Variants in AK8 observed in about 807,000 individuals in gnomAD.
AK8 encodes the protein adenylate kinase 8.
Under a neutral mutation model 54.6 loss-of-function variants are expected in AK8, and 44 were observed. The observed-to-expected ratio is 0.81, with a 90% CI of 0.63 to 1.04. The LOEUF is 1.04. Among genes scored for constraint, AK8 ranks in the 50% least tolerant of loss-of-function variants. The probability of loss-of-function intolerance (pLI) is 0.00; values close to 1 mark genes in which losing one functional copy is unlikely to be tolerated. For missense variants in AK8, 555 were observed against 613.6 expected (o/e 0.90, Z 1.01); for synonymous variants, 239 against 245.6 (o/e 0.97, Z 0.25).
At chr9:132,825,011 A>G (rs1228576570) in intron 8 of AK8, among the ~76,000 whole-genome samples, 1 of 152,214 alleles carries the variant, frequency 6.6e-6, no homozygotes, top group Admixed American at 6.5e-5. Context: ...TGCCATGGGT[A>G]CCATTCCTCC....
rs1843363492 is a variant in AK8 at position 132,860,990 on chromosome 9, G to T, written c.333+2675C>A. ...ACCCAGGGCAGGGGGAGCAGGTGAG[G>T]GTGCAACCCAAGGCTAGACTGCCAT... On this transcript the variant is annotated intron_variant, in intron 4 of 12. Coordinates refer to ENST00000298545, the MANE Select transcript of AK8 (RefSeq NM_152572.3). The surrounding 1 kb of genome is among the most constrained non-coding windows in gnomAD (Gnocchi z 4.4). Among the ~76,000 whole-genome samples, 1 of 152,202 alleles carries T rather than the reference G, an allele frequency of 6.6e-6. No homozygotes were observed. The highest frequency in any genetic ancestry group is 2.4e-5 in the African/African-American group (1 of 41,446).
intron 11 of AK8, among the ~76,000 whole-genome samples, chr9:132,780,849 TC>T (rs1181445911): frequency 6.6e-6 from 1 of 152,144 alleles, no homozygotes; most frequent in Admixed American, 6.5e-5. Flanking sequence ...TCTAGAACCC[TC>T]CTTTTACATC....
At chr9:132,817,178 C>T (rs938505862) in intron 9 of AK8, among the ~76,000 whole-genome samples, 1 of 152,130 alleles carries the variant, frequency 6.6e-6, no homozygotes, top group African/African-American at 2.4e-5. Context: ...TACTCTAGCC[C>T]TAGAGTAAGA....
intron 11 of AK8, among the ~76,000 whole-genome samples, chr9:132,740,910 T>C (rs1266915256): frequency 6.6e-6 from 1 of 152,178 alleles, no homozygotes; most frequent in Non-Finnish European, 1.5e-5. Context: ...CCAGAAGACT[T>C]CTTTGAGGTG....
rs570015023 is a variant in AK8 at position 132,829,416 on chromosome 9, G to A, written c.403-690C>T. Among the ~76,000 whole-genome samples the A allele has an allele frequency of 5.3e-5, 8 of 151,760 alleles. No homozygotes were observed. In the South Asian group the frequency reaches 1.0e-3, roughly 20 times the overall value. ...GTCCACAAATGAACATTTCAACTGC[G>A]GGCAGTGTTCACTATCATAGATAAT... On this transcript the variant is annotated intron_variant, in intron 5 of 12. Transcript: ENST00000298545.
At chr9:132,776,155 T>C (rs1202158635) in intron 11 of AK8, among the ~76,000 whole-genome samples, 1 of 152,204 alleles carries the variant, frequency 6.6e-6, no homozygotes, top group East Asian at 1.9e-4. Context: ...ACTTTCCTTT[T>C]TCCACTCCAG....
chr9:132,869,867 G>A (rs577070181), intron 2 of AK8, among the ~76,000 whole-genome samples: 4 of 152,182 alleles, frequency 2.6e-5, no homozygotes, highest in East Asian at 3.9e-4. Flanking sequence ...CAGAGGGCTC[G>A]TGTGGATCAT....
At chr9:132,757,752 C>A (rs1414012228) in intron 11 of AK8, among the ~76,000 whole-genome samples, 3 of 152,174 alleles carry the variant, frequency 2.0e-5, no homozygotes, top group African/African-American at 7.2e-5. Context: ...ACTGTCATTA[C>A]TGAAATACTC....
At position 132,839,827 on chromosome 9, in the gene AK8, G is replaced by C. The variant is rs113108553; in HGVS notation, c.403-11101C>G. On this transcript the variant is annotated intron_variant, in intron 5 of 12. Coordinates refer to ENST00000298545, the MANE Select transcript of AK8 (RefSeq NM_152572.3). ...AGAAAACATTTTTTTTGCCGGGGGG[G>C]GGGGCGCAGGGACGGAGCCTTGCTC... Among the ~76,000 whole-genome samples, 245 of 147,588 alleles carry C rather than the reference G, an allele frequency of 1.7e-3. 9 individuals are homozygous for C. The South Asian group carries it at 0.047, about 28-fold the overall frequency.
At chr9:132,740,686 G>A (rs1206935206) in intron 11 of AK8, among the ~76,000 whole-genome samples, 24 of 151,862 alleles carry the variant, frequency 1.6e-4, no homozygotes, top group Admixed American at 6.6e-5. Context: ...TGCACCTCTG[G>A]CCTCCTCCAG....
At chr9:132,859,771 G>A (rs915946446) in intron 4 of AK8, among the ~76,000 whole-genome samples, 3 of 152,030 alleles carry the variant, frequency 2.0e-5, no homozygotes, top group Admixed American at 1.3e-4. Flanking sequence ...AAAAAGACTC[G>A]GCTGAAAAGA....
chr9:132,761,067 CTCTTTT>C (rs1170577521), intron 11 of AK8, among the ~76,000 whole-genome samples: 4 of 152,056 alleles, frequency 2.6e-5, no homozygotes, highest in South Asian at 2.1e-4. Flanking sequence ...GATGTGTTCC[CTCTTTT>C]TCTTTTTCTG....
At chr9:132,765,232 G>A (rs986048671) in intron 11 of AK8, among the ~76,000 whole-genome samples, 1 of 128,668 alleles carries the variant, frequency 7.8e-6, no homozygotes, top group African/African-American at 2.9e-5. Context: ...GGCGGAGGTT[G>A]TAGTGAGCCA....
At chr9:132,814,818 G>GA (rs140406073) in intron 9 of AK8, 91 bp from the exon 10 acceptor site, 7,599 of 937,126 alleles carry the variant, frequency 8.1e-3, no homozygotes, top group South Asian at 0.011. Flanking sequence ...CCTGCTGAGG[G>GA]AAAAAAAAAA....
At chr9:132,802,710 A>T (rs995095783) in intron 10 of AK8, among the ~76,000 whole-genome samples, 1 of 152,186 alleles carries the variant, frequency 6.6e-6, no homozygotes, top group East Asian at 1.9e-4. Context: ...CTGACGCCAG[A>T]ACTGAGATCC....
intron 9 of AK8, among the ~76,000 whole-genome samples, chr9:132,815,475 C>A (rs777580590): frequency 2.4e-4 from 36 of 152,208 alleles, no homozygotes; most frequent in Non-Finnish European, 4.6e-4. Flanking sequence ...ATCACTTGAA[C>A]CTGGGAGGTG....
intron 5 of AK8, among the ~76,000 whole-genome samples, chr9:132,854,299 C>T (rs1294568015): frequency 6.6e-6 from 1 of 152,214 alleles, no homozygotes; most frequent in South Asian, 2.1e-4. Flanking sequence ...ACACATGAAT[C>T]GGTGTGCAAA....
At chr9:132,808,174 A>G (rs1437270058) in intron 10 of AK8, among the ~76,000 whole-genome samples, 1 of 152,178 alleles carries the variant, frequency 6.6e-6, no homozygotes, top group East Asian at 1.9e-4. Flanking sequence ...GCTCCCTGGC[A>G]ACTAAGGCTG....
intron 5 of AK8, 58 bp downstream of exon 5, chr9:132,854,799 C>A (rs1012602106): frequency 4.4e-6 from 7 of 1,577,508 alleles, no homozygotes; most frequent in Non-Finnish European, 6.1e-6. Context: ...GATGAACACA[C>A]GCCCTTCACC....
Sources: gnomAD v4.1 joint callset for allele counts (sites outside exome capture counted in the v4.1 genomes callset) on GRCh38, gnomAD v4.1.1 for gene constraint, Gnocchi (gnomAD v3.1) non-coding constraint, MANE v1.5 for transcripts, NCBI Gene and HGNC (gene_info 2026-07-23, HGNC 2026-07-21) for gene names.